PDS5A: variants seen among roughly 807,000 people sequenced by gnomAD.
PDS5A encodes the protein PDS5 cohesin associated factor A.
A neutral mutation model predicts 167.1 loss-of-function variants in PDS5A; 42 were observed. The ratio of observed to expected loss-of-function variants is 0.25; its 90% CI spans 0.20 to 0.33. PDS5A has a LOEUF of 0.33. PDS5A is among the 10% of genes least tolerant of loss of function. The probability of loss-of-function intolerance (pLI) is 1.00; values close to 1 mark genes in which losing one functional copy is unlikely to be tolerated. For missense variants in PDS5A, 1,033 were observed against 1,605.9 expected (o/e 0.64, Z 6.10); for synonymous variants, 553 against 554.6 (o/e 1.00, Z 0.04).
chr4:39,871,159 TAC>T (rs1196419591), intron 21 of PDS5A, among the ~76,000 whole-genome samples: 1 of 152,144 alleles, frequency 6.6e-6, no homozygotes, highest in Non-Finnish European at 1.5e-5. Flanking sequence ...GCTTAATGGG[TAC>T]AGAGTTTCTG....
intron 21 of PDS5A, among the ~76,000 whole-genome samples, chr4:39,872,172 C>CTTT (rs35032799): frequency 6.3e-5 from 6 of 95,482 alleles, no homozygotes; most frequent in African/African-American, 2.0e-4. Context: ...AGTCCACTTA[C>CTTT]TTTTTTTTTT....
intron 11 of PDS5A, among the ~76,000 whole-genome samples, chr4:39,907,870 G>A (rs1326680302): frequency 6.6e-6 from 1 of 152,212 alleles, no homozygotes; most frequent in Non-Finnish European, 1.5e-5. Flanking sequence ...ACAGGCGTGA[G>A]CCACCGCGCC....
chr4:39,959,914 C>T (rs947528805), intron 2 of PDS5A, among the ~76,000 whole-genome samples: 11 of 152,034 alleles, frequency 7.2e-5, no homozygotes, highest in Admixed American at 2.0e-4. Context: ...CACAGTGAAA[C>T]CCCGCCATCT....
intron 17 of PDS5A, among the ~76,000 whole-genome samples, chr4:39,882,586 A>G (rs890697252): frequency 6.6e-6 from 1 of 152,226 alleles, no homozygotes; most frequent in Admixed American, 6.5e-5. Flanking sequence ...GATAGGTTCC[A>G]TGCACACGAT....
intron 2 of PDS5A, among the ~76,000 whole-genome samples, chr4:39,968,167 T>C (rs1391194312): frequency 6.6e-6 from 1 of 152,096 alleles, no homozygotes; most frequent in Non-Finnish European, 1.5e-5. Context: ...TTGCCCAAGC[T>C]GGTCTCAAAC....
intron 2 of PDS5A, among the ~76,000 whole-genome samples, chr4:39,952,653 T>C (rs1728523240): frequency 6.6e-6 from 1 of 152,090 alleles, no homozygotes; most frequent in African/African-American, 2.4e-5. Context: ...TTACTTATTT[T>C]ATAACATGTG....
At position 39,866,848 on chromosome 4, in the gene PDS5A, A is replaced by G. The variant is rs369219441; in HGVS notation, c.2642+13T>C. ...TCAGCACTAAGAAAACTGGAAAGAA[A>G]GAAAAATCTCACCTGATCCTCTTTT... On this transcript the variant is annotated intron_variant, in intron 23 of 32. Transcript: ENST00000303538. 2.0e-4 allele frequency: 321 copies of G among 1,592,980 alleles called. No individual in the cohort carries two copies. The highest frequency in any genetic ancestry group is 2.3e-4 in the Non-Finnish European group (273 of 1,172,792).
At chr4:39,894,764 G>A (rs534187808) in intron 16 of PDS5A, among the ~76,000 whole-genome samples, 1 of 152,196 alleles carries the variant, frequency 6.6e-6, no homozygotes, top group East Asian at 1.9e-4. Flanking sequence ...GTCTCTATAA[G>A]CCTGGTCCCA....
chr4:39,917,472 T>C (rs1166549009), intron 7 of PDS5A, among the ~76,000 whole-genome samples: 1 of 152,352 alleles, frequency 6.6e-6, no homozygotes, highest in African/African-American at 2.4e-5. Flanking sequence ...CTAGGAATCT[T>C]TGTTTTCATT....
At position 39,922,749 on chromosome 4, in the gene PDS5A, C is replaced by T. The variant is rs765845326; in HGVS notation, c.528-1G>A. The T allele has an allele frequency of 1.6e-6, 2 of 1,289,332 alleles. No homozygotes were observed. Among genetic ancestry groups the T allele is most frequent in the Non-Finnish European group, 2.0e-6 (2 of 1,014,368 alleles). 79.9% of individuals were successfully genotyped at this position (1,289,332 alleles called of 1,614,324 possible). On this transcript the variant is annotated splice_acceptor_variant, in intron 5 of 32. Coordinates refer to ENST00000303538, the MANE Select transcript of PDS5A (RefSeq NM_001100399.2). LOFTEE classifies it high-confidence loss of function. ...TTGTACCTTCTTATTGTGGCTATTG[C>T]TATAAAAAAAAAAAAAAAAGAATAA...
At chr4:39,850,307 G>A (rs751964183) in intron 26 of PDS5A, among the ~76,000 whole-genome samples, 5 of 150,006 alleles carry the variant, frequency 3.3e-5, no homozygotes, top group South Asian at 2.1e-4. Flanking sequence ...GACTAGCCTC[G>A]TGAGACCCCA....
chr4:39,913,352 T>A (rs1452408599), intron 9 of PDS5A, among the ~76,000 whole-genome samples: 1 of 152,166 alleles, frequency 6.6e-6, no homozygotes, highest in East Asian at 1.9e-4. Context: ...GTGCTGGGAT[T>A]ACAGGCATGA....
intron 26 of PDS5A, among the ~76,000 whole-genome samples, chr4:39,856,688 C>T (rs1290007618): frequency 6.6e-6 from 1 of 151,976 alleles, no homozygotes; most frequent in East Asian, 1.9e-4. Flanking sequence ...TGGTGGCGGG[C>T]ACCTGTAATC....
chr4:39,925,455 T>C (rs1386466640), intron 5 of PDS5A, among the ~76,000 whole-genome samples: 2 of 152,174 alleles, frequency 1.3e-5, no homozygotes, highest in Non-Finnish European at 2.9e-5. Flanking sequence ...AATTTCTACC[T>C]CATAATTTAA....
chr4:39,871,331 A>C (rs1156312564), intron 21 of PDS5A, among the ~76,000 whole-genome samples: 1 of 152,250 alleles, frequency 6.6e-6, no homozygotes, highest in Admixed American at 6.5e-5. Context: ...CAATCTATCA[A>C]CAATCATCAT....
chr4:39,880,197 C>CA (rs1156459730), intron 17 of PDS5A, among the ~76,000 whole-genome samples: 3 of 151,832 alleles, frequency 2.0e-5, no homozygotes, highest in Admixed American at 1.3e-4. Context: ...ACAACTGACT[C>CA]AAAAAAATAC....
At position 39,930,255 on chromosome 4, in the gene PDS5A, G is replaced by GTTT. The variant is rs1421768439; in HGVS notation, c.139-2094_139-2092dup. ...AAAAAAAAAAAAAAAAAGTTTTTTT[G>GTTT]TTTTTTGTTTTTTTTTTTTAAGAGA... On this transcript the variant is annotated intron_variant, in intron 2 of 32. Coordinates refer to ENST00000303538, the MANE Select transcript of PDS5A (RefSeq NM_001100399.2). Among the ~76,000 whole-genome samples, 9 of 80,536 alleles carry GTTT rather than the reference G, an allele frequency of 1.1e-4. No individual in the cohort carries two copies. In the South Asian group the frequency reaches 2.4e-3, roughly 22 times the overall value. 52.8% of individuals were successfully genotyped at this position (80,536 alleles called of 152,430 possible). A position where few individuals can be genotyped will look rare whatever the true frequency, so the allele number is the denominator to read the frequency against.
At position 39,838,132 on chromosome 4, in the gene PDS5A, C is replaced by T; in HGVS notation, c.3734G>A (p.Gly1245Asp). The T allele has an allele frequency of 6.2e-7, 1 of 1,613,818 alleles. No homozygotes were observed. The highest frequency in any genetic ancestry group is 8.5e-7 in the Non-Finnish European group (1 of 1,179,804). The change falls in exon 32 of 33, where the codon GGT becomes GAT. Residue 1245 changes from glycine (G) to aspartate (D), a missense_variant. Around this residue, in one of 4 missense-constraint regions of PDS5A, gnomAD observed 233 missense variants for 264.0 expected, o/e 0.88. Coordinates refer to ENST00000303538, the MANE Select transcript of PDS5A (RefSeq NM_001100399.2). ...RGKKRTVTAAGAENIQQKTDE... is the reference protein window; with the variant it reads ...RGKKRTVTAADAENIQQKTDE... ...TGTTTTTTGTTGGATATTCTCTGCACCAGCTGCTGTTACTGTTCTTTTCTT... is the reference window on the plus strand; with the variant it reads ...TGTTTTTTGTTGGATATTCTCTGCATCAGCTGCTGTTACTGTTCTTTTCTT...
At chr4:39,938,834 G>T (rs1726925700) in intron 2 of PDS5A, among the ~76,000 whole-genome samples, 1 of 152,036 alleles carries the variant, frequency 6.6e-6, no homozygotes, top group South Asian at 2.1e-4. Context: ...GCTGGGCGTG[G>T]TGGCGCATGC....
Sources: allele counts gnomAD v4.1 joint callset (sites outside exome capture counted in the v4.1 genomes callset), GRCh38; gene constraint gnomAD v4.1.1; regional missense constraint gnomAD v4.1.1; transcripts MANE v1.5; gene names NCBI Gene and HGNC (gene_info 2026-07-23, HGNC 2026-07-21).